Variants in TBC1D32 observed in about 807,000 individuals in gnomAD.
TBC1D32 encodes TBC1 domain family member 32.
Under a neutral mutation model 170.3 loss-of-function variants are expected in TBC1D32, and 151 were observed. The ratio of observed to expected loss-of-function variants is 0.89; its 90% confidence interval spans 0.78 to 1.01. The LOEUF is 1.01. TBC1D32 is among the 50% of genes least tolerant of loss of function. The pLI is 0.00. For missense variants in TBC1D32, 1,464 were observed against 1,457.1 expected, an observed-to-expected ratio of 1.00 and a Z score of -0.08; for synonymous variants, 498 against 488.0, an observed-to-expected ratio of 1.02 and a Z score of -0.27.
At position 121,256,055 on chromosome 6, in the gene TBC1D32, GAGAAAAAACGA is replaced by G; in HGVS notation, c.1935+18_1935+28del. 1 of 1,574,090 alleles carries G rather than the reference GAGAAAAAACGA, an allele frequency of 6.4e-7. No individual in the cohort carries two copies. Among genetic ancestry groups the G allele is most frequent in the Non-Finnish European group, 8.6e-7 (1 of 1,156,100 alleles). On this transcript the variant is annotated intron_variant, in intron 16 of 31. Transcript: ENST00000398212. ...TATATTTGAAATAAAGATTTGCAGG[GAGAAAAAACGA>G]AGCTTGAAAATACTTACCTTTTTCC...
rs1262231590 is a variant in TBC1D32, at chr6:121,112,751, AAGC to A, written c.3170-95_3170-93del. ...AAATAAAATGAATATATTAAATAAAAAGCAGACATTCTTATTCTGAATTTATGA... is the reference window on the plus strand; with the variant it reads ...AAATAAAATGAATATATTAAATAAAAAGACATTCTTATTCTGAATTTATGA... On this transcript the variant is annotated intron_variant, in intron 28 of 31. Transcript: ENST00000398212. 5.4e-6 allele frequency: 6 copies of A among 1,120,370 alleles called. No homozygotes were observed. The African/African-American group carries it at 6.5e-5, about 12-fold the overall frequency. The allele number at this position is 1,120,370 out of a possible 1,614,324, so 69.4% of individuals were successfully genotyped here.
intron 1 of TBC1D32, among the ~76,000 whole-genome samples, chr6:121,323,004 G>GA (rs72159293): frequency 0.052 from 7,828 of 150,914 alleles, 398 homozygotes; most frequent in East Asian, 0.12. Flanking sequence ...ATGAAAAGAA[G>GA]AAAAAAAAAG....
At chr6:121,205,895 C>T (rs1304044758) in intron 21 of TBC1D32, among the ~76,000 whole-genome samples, 1 of 152,084 alleles carries the variant, frequency 6.6e-6, no homozygotes, top group African/African-American at 2.4e-5. Flanking sequence ...TTTAGCCAAC[C>T]ACACAATTTT....
chr6:121,086,127 C>T (rs1470719315), intron 31 of TBC1D32, among the ~76,000 whole-genome samples: 1 of 152,046 alleles, frequency 6.6e-6, no homozygotes, highest in Non-Finnish European at 1.5e-5. Flanking sequence ...AGGGATGTAG[C>T]AACTTAATAA....
chr6:121,315,004 C>T (rs1808729237), intron 3 of TBC1D32, among the ~76,000 whole-genome samples: 1 of 152,196 alleles, frequency 6.6e-6, no homozygotes, highest in Admixed American at 6.5e-5. Flanking sequence ...ATTTTCATCC[C>T]CATTTACAAA....
At chr6:121,237,372 A>C (rs1007949479) in intron 20 of TBC1D32, among the ~76,000 whole-genome samples, 1 of 151,798 alleles carries the variant, frequency 6.6e-6, no homozygotes, top group Admixed American at 6.6e-5. Flanking sequence ...AGTTTCCTTT[A>C]TATTTTCATT....
chr6:121,103,299 A>G (rs450762), intron 30 of TBC1D32, among the ~76,000 whole-genome samples: 55,136 of 151,782 alleles, frequency 0.36, 15,793 homozygotes, highest in African/African-American at 0.78. Context: ...GTTTATAGCG[A>G]CACTATTCAC....
chr6:121,272,770 A>G (rs754870572), intron 15 of TBC1D32, among the ~76,000 whole-genome samples: 1 of 152,232 alleles, frequency 6.6e-6, no homozygotes, highest in African/African-American at 2.4e-5. Flanking sequence ...TATATACCCA[A>G]AGGATTATAA....
At chr6:121,104,173 C>T (rs1035069473) in intron 30 of TBC1D32, among the ~76,000 whole-genome samples, 2 of 151,626 alleles carry the variant, frequency 1.3e-5, no homozygotes, top group Admixed American at 6.6e-5. Flanking sequence ...AAACTACTGT[C>T]TAATTAAGTG....
chr6:121,152,124 T>C (rs988301761), intron 24 of TBC1D32, among the ~76,000 whole-genome samples: 2 of 152,214 alleles, frequency 1.3e-5, no homozygotes, highest in African/African-American at 4.8e-5. Flanking sequence ...TGGTTTGTTT[T>C]TGCAGTGGCT....
chr6:121,330,614 T>A (rs1811090378), intron 1 of TBC1D32, among the ~76,000 whole-genome samples: 2 of 152,214 alleles, frequency 1.3e-5, no homozygotes, highest in Non-Finnish European at 2.9e-5. Flanking sequence ...TTCTGAGGTC[T>A]CAACTCTAAC....
chr6:121,319,240 AG>A (rs1809354619), intron 2 of TBC1D32, among the ~76,000 whole-genome samples: 1 of 152,108 alleles, frequency 6.6e-6, no homozygotes, highest in East Asian at 1.9e-4. Flanking sequence ...AACTCAATAG[AG>A]GTAACAGAGT....
At chr6:121,180,449 C>T (rs1357023209) in intron 22 of TBC1D32, among the ~76,000 whole-genome samples, 2 of 152,120 alleles carry the variant, frequency 1.3e-5, no homozygotes, top group African/African-American at 4.8e-5. Flanking sequence ...AATCTACACA[C>T]TTACAGCCAA....
intron 29 of TBC1D32, among the ~76,000 whole-genome samples, chr6:121,108,986 A>G (rs769458025): frequency 7.1e-4 from 108 of 152,282 alleles, no homozygotes; most frequent in Non-Finnish European, 9.1e-4. Context: ...TCTAGATAAT[A>G]TCAATCTTTC....
At chr6:121,084,919 T>C (rs1776027889) in intron 31 of TBC1D32, among the ~76,000 whole-genome samples, 1 of 152,024 alleles carries the variant, frequency 6.6e-6, no homozygotes, top group Non-Finnish European at 1.5e-5. Context: ...ATTTTTAAAA[T>C]ATAATATAGC....
At chr6:121,286,080 C>A (rs929761641) in intron 12 of TBC1D32, among the ~76,000 whole-genome samples, 4 of 152,102 alleles carry the variant, frequency 2.6e-5, no homozygotes, top group African/African-American at 4.8e-5. Flanking sequence ...AATCAGAGCG[C>A]CTCTCCTCCT....
intron 8 of TBC1D32, among the ~76,000 whole-genome samples, chr6:121,304,080 C>T (rs550692519): frequency 6.8e-6 from 1 of 147,520 alleles, no homozygotes; most frequent in Non-Finnish European, 1.5e-5. Context: ...CCAATAAGAA[C>T]CTAACGCAGA....
At chr6:121,325,017 C>A (rs1810264858) in intron 1 of TBC1D32, among the ~76,000 whole-genome samples, 1 of 152,092 alleles carries the variant, frequency 6.6e-6, no homozygotes, top group Non-Finnish European at 1.5e-5. Flanking sequence ...CAAGACCAGC[C>A]TGGGCAACAT....
intron 22 of TBC1D32, chr6:121,170,475 G>A (rs754717358): frequency 6.2e-7 from 1 of 1,607,948 alleles, no homozygotes; most frequent in South Asian, 1.1e-5. Context: ...ACCTGATACT[G>A]AGCCTCTAAC....
Sources: gnomAD v4.1 joint callset for allele counts (sites outside exome capture counted in the v4.1 genomes callset) on GRCh38, gnomAD v4.1.1 for gene constraint, MANE v1.5 for transcripts, NCBI Gene and HGNC (gene_info 2026-07-23, HGNC 2026-07-21) for gene names.